Variants in ZNF892 observed in about 807,000 individuals in gnomAD.
The protein encoded by ZNF892 is zinc finger protein 570-like.
chr2:95,251,084 G>C, the ZNF892 span, among the ~76,000 whole-genome samples: 1 of 151,416 alleles, frequency 6.6e-6, no homozygotes, highest in Admixed American at 6.6e-5. Context: ...CTTTAAGCCA[G>C]TTCAGTAGAG....
chr2:95,236,507 A>G, the ZNF892 span, among the ~76,000 whole-genome samples: 1 of 152,226 alleles, frequency 6.6e-6, no homozygotes, highest in Non-Finnish European at 1.5e-5. Context: ...GTTCTGCTCT[A>G]TCTTGGATTA....
At chr2:95,222,208 C>T in the ZNF892 span, among the ~76,000 whole-genome samples, 1 of 152,130 alleles carries the variant, frequency 6.6e-6, no homozygotes, top group African/African-American at 2.4e-5. Flanking sequence ...AGTAGTTTTC[C>T]ATGTTAGGTA....
At chr2:95,259,304 T>C in the ZNF892 span, 1 of 152,610 alleles carries the variant, frequency 6.6e-6, no homozygotes, top group Non-Finnish European at 1.5e-5. Flanking sequence ...GGGATTGGAG[T>C]GTGTATGTGT....
the ZNF892 span, among the ~76,000 whole-genome samples, chr2:95,246,827 C>T: frequency 1.3e-5 from 2 of 152,036 alleles, no homozygotes; most frequent in African/African-American, 2.4e-5. Context: ...TCTTCAAGAA[C>T]TACAAACCAC....
chr2:95,252,691 C>A, the ZNF892 span, among the ~76,000 whole-genome samples: 15 of 152,220 alleles, frequency 9.9e-5, no homozygotes, highest in African/African-American at 3.4e-4. Flanking sequence ...AACTAGTTTA[C>A]AGCCCCACCA....
At chr2:95,249,372 C>T in the ZNF892 span, among the ~76,000 whole-genome samples, 1 of 147,244 alleles carries the variant, frequency 6.8e-6, no homozygotes, top group Non-Finnish European at 1.5e-5. Context: ...TCCCCAGTAG[C>T]TGGGATTACA....
At chr2:95,224,489 A>G in the ZNF892 span, among the ~76,000 whole-genome samples, 1 of 152,280 alleles carries the variant, frequency 6.6e-6, no homozygotes, top group Non-Finnish European at 1.5e-5. Context: ...TCATGGGGGA[A>G]GGCAAAGGGG....
At chr2:95,219,072 A>G in the ZNF892 span, among the ~76,000 whole-genome samples, 7 of 151,870 alleles carry the variant, frequency 4.6e-5, no homozygotes, top group African/African-American at 1.7e-4. Flanking sequence ...GATTTCAGCT[A>G]ACTGCAAGCT....
the ZNF892 span, among the ~76,000 whole-genome samples, chr2:95,233,854 A>AT: frequency 1.3e-5 from 2 of 150,708 alleles, no homozygotes; most frequent in South Asian, 2.1e-4. Context: ...TAATTTTTGT[A>AT]TTTTTTGTAG....
the ZNF892 span, among the ~76,000 whole-genome samples, chr2:95,250,585 G>A: frequency 2.7e-4 from 33 of 120,488 alleles, no homozygotes; most frequent in African/African-American, 9.7e-4. Context: ...ATAAATATAA[G>A]CTATTCATAA....
At chr2:95,206,552 T>C in the ZNF892 span, among the ~76,000 whole-genome samples, 1 of 152,206 alleles carries the variant, frequency 6.6e-6, no homozygotes, top group African/African-American at 2.4e-5. Context: ...ATAAACAATT[T>C]AAAAGACAAA....
the ZNF892 span, among the ~76,000 whole-genome samples, chr2:95,250,201 T>C: frequency 1.3e-5 from 2 of 152,092 alleles, no homozygotes; most frequent in East Asian, 3.8e-4. Flanking sequence ...CAATCTATTT[T>C]TATTGTGTAT....
At chr2:95,249,294 G>T in the ZNF892 span, among the ~76,000 whole-genome samples, 2 of 129,226 alleles carry the variant, frequency 1.5e-5, no homozygotes, top group Non-Finnish European at 3.1e-5. Context: ...AGGCTGGAGT[G>T]CAGTGGCACG....
chr2:95,250,593 TA>T, the ZNF892 span, among the ~76,000 whole-genome samples: 3 of 99,024 alleles, frequency 3.0e-5, no homozygotes, highest in Non-Finnish European at 6.6e-5. Flanking sequence ...AAGCTATTCA[TA>T]AATTATAAAT....
the ZNF892 span, among the ~76,000 whole-genome samples, chr2:95,221,858 G>T: frequency 6.6e-6 from 1 of 152,168 alleles, no homozygotes; most frequent in Non-Finnish European, 1.5e-5. Flanking sequence ...GTTTGACGAA[G>T]ATATTACCCT....
chr2:95,240,411 C>G, the ZNF892 span, among the ~76,000 whole-genome samples: 10 of 152,190 alleles, frequency 6.6e-5, no homozygotes, highest in Non-Finnish European at 1.3e-4. Context: ...TGACCCCACT[C>G]GGGAAACCAT....
the ZNF892 span, among the ~76,000 whole-genome samples, chr2:95,234,717 G>A: frequency 3.3e-5 from 5 of 152,218 alleles, no homozygotes; most frequent in Non-Finnish European, 7.3e-5. Context: ...CTCCACGGGG[G>A]CCCTTCCAGA....
At chr2:95,250,729 A>G in the ZNF892 span, among the ~76,000 whole-genome samples, 1 of 144,654 alleles carries the variant, frequency 6.9e-6, no homozygotes, top group Non-Finnish European at 1.5e-5. Context: ...CATAAATTAT[A>G]AATTTATCAA....
At chr2:95,212,963 G>C in the ZNF892 span, among the ~76,000 whole-genome samples, 1 of 152,162 alleles carries the variant, frequency 6.6e-6, no homozygotes, top group Non-Finnish European at 1.5e-5. Context: ...AAGATGTTAT[G>C]GATTTGACCC....
Sources: gnomAD v4.1 joint callset for allele counts (sites outside exome capture counted in the v4.1 genomes callset) on GRCh38, gnomAD v4.1.1 for gene constraint, MANE v1.5 for transcripts, NCBI Gene and HGNC (gene_info 2026-07-23, HGNC 2026-07-21) for gene names.